CC2D2A: variants seen among roughly 807,000 people sequenced by gnomAD.
CC2D2A encodes the protein coiled-coil and C2 domain-containing protein 2A.
CC2D2A carries 155 observed loss-of-function variants against 212.9 expected under a neutral mutation model. The observed-to-expected ratio is 0.73, with a 90% confidence interval of 0.64 to 0.83. The LOEUF (loss-of-function observed/expected upper bound fraction) is 0.83. Among genes scored for constraint, CC2D2A ranks in the 40% least tolerant of loss-of-function variants. The pLI is 0.00. For missense variants in CC2D2A, 1,856 were observed against 1,956.2 expected (o/e 0.95, Z 0.97); for synonymous variants, 667 against 686.5 (o/e 0.97, Z 0.44).
At chr4:15,515,845 T>C (rs1378567456) in intron 9 of CC2D2A, 23 bp from the exon 10 acceptor site, 10 of 1,543,992 alleles carry the variant, frequency 6.5e-6, no homozygotes, top group Non-Finnish European at 8.8e-6. Context: ...AATGTTTATT[T>C]TATTTATTTA....
intron 4 of CC2D2A, chr4:15,481,764 A>T: frequency 1.0e-6 from 1 of 981,886 alleles, no homozygotes; most frequent in Non-Finnish European, 1.2e-6. Context: ...GACTAACAAT[A>T]CATAAGTTAG....
At chr4:15,587,454 A>C (rs531023522) in intron 31 of CC2D2A, among the ~76,000 whole-genome samples, 1 of 152,338 alleles carries the variant, frequency 6.6e-6, no homozygotes, top group East Asian at 1.9e-4. Flanking sequence ...TAAAATATGC[A>C]AATTGTTCTA....
At chr4:15,538,679 T>G (rs889288183) in intron 16 of CC2D2A, among the ~76,000 whole-genome samples, 1 of 152,234 alleles carries the variant, frequency 6.6e-6, no homozygotes, top group Admixed American at 6.5e-5. Context: ...AAAATACATG[T>G]CTAGTCATTC....
intron 4 of CC2D2A, chr4:15,481,613 G>A (rs1459411491): frequency 1.0e-5 from 2 of 190,724 alleles, no homozygotes; most frequent in African/African-American, 2.4e-5. Flanking sequence ...TCTGACATAA[G>A]TGAAAGCTTC....
At chr4:15,545,623 C>T (rs951331768) in intron 17 of CC2D2A, among the ~76,000 whole-genome samples, 1 of 151,958 alleles carries the variant, frequency 6.6e-6, no homozygotes, top group Non-Finnish European at 1.5e-5. Flanking sequence ...ATAAGAATGC[C>T]AAGGCAGTTC....
At chr4:15,590,369 G>T (rs1289690361) in intron 33 of CC2D2A, among the ~76,000 whole-genome samples, 4 of 152,152 alleles carry the variant, frequency 2.6e-5, no homozygotes, top group Non-Finnish European at 4.4e-5. Flanking sequence ...ACAAAAATTA[G>T]CTGGGCATGA....
intron 17 of CC2D2A, among the ~76,000 whole-genome samples, chr4:15,549,014 T>C (rs1158212288): frequency 3.9e-5 from 6 of 152,198 alleles, no homozygotes; most frequent in Non-Finnish European, 5.9e-5. Context: ...ATTATAAAAA[T>C]GGTATTGTAA....
intron 32 of CC2D2A, among the ~76,000 whole-genome samples, chr4:15,588,609 G>T (rs1720958915): frequency 6.6e-6 from 1 of 152,146 alleles, no homozygotes; most frequent in Non-Finnish European, 1.5e-5. Flanking sequence ...ATGAGTTGCT[G>T]CAAGGCAGGT....
intron 8 of CC2D2A, among the ~76,000 whole-genome samples, chr4:15,513,752 A>G (rs1374495842): frequency 6.6e-6 from 1 of 152,214 alleles, no homozygotes; most frequent in Admixed American, 6.5e-5. Flanking sequence ...GGAAGATTAC[A>G]CACTGCCATC....
chr4:15,500,103 G>GTATATA (rs1417025229), intron 4 of CC2D2A, among the ~76,000 whole-genome samples: 2 of 73,158 alleles, frequency 2.7e-5, no homozygotes, highest in Non-Finnish European at 7.0e-5. Context: ...GTGTGTGTGT[G>GTATATA]TGTGTATATA....
chr4:15,601,557 G>A (rs1181333700), downstream of CC2D2A: 1 of 615,472 alleles, frequency 1.6e-6, no homozygotes, highest in East Asian at 3.0e-5. Context: ...TTCAAACTGT[G>A]CAAAGTGTTC....
At chr4:15,523,549 ACT>A (rs977499445) in intron 11 of CC2D2A, among the ~76,000 whole-genome samples, 20 of 152,140 alleles carry the variant, frequency 1.3e-4, no homozygotes, top group African/African-American at 4.6e-4. Flanking sequence ...ACTACACAAG[ACT>A]CTCTTGGTTG....
Position 15,601,470 on chromosome 4 carries a change from GAT to G in CC2D2A, c.*48_*49del, listed in dbSNP as rs1721598821. ...TGTATCATGTAAAAACTACACTTAGGATATGAGAAAATTTTAAATTATATGCA... is the reference window on the plus strand; with the variant it reads ...TGTATCATGTAAAAACTACACTTAGGATGAGAAAATTTTAAATTATATGCA... On this transcript the variant is annotated 3_prime_UTR_variant, in exon 37 of 37. Transcript: ENST00000424120. 5 of 1,245,554 alleles carry G rather than the reference GAT, an allele frequency of 4.0e-6. No homozygotes were observed. The East Asian group carries it at 1.3e-4, about 33-fold the overall frequency. The allele number at this position is 1,245,554 out of a possible 1,614,324, so 77.2% of individuals were successfully genotyped here.
At chr4:15,501,641 T>C (rs574354931) in intron 4 of CC2D2A, among the ~76,000 whole-genome samples, 1 of 152,206 alleles carries the variant, frequency 6.6e-6, no homozygotes, top group African/African-American at 2.4e-5. Flanking sequence ...TCTTTTGTAA[T>C]GGTTTAGAGA....
rs1716561380 is a variant in CC2D2A, at chr4:15,511,379, G to T, written c.673G>T (p.Gly225Trp). The change falls in exon 8 of 37, where the codon GGG becomes TGG. Residue 225 changes from glycine to tryptophan, a missense_variant. Gly to Trp is a radical substitution (Grantham distance 184). Around this residue, in one of 5 missense-constraint regions of CC2D2A, gnomAD observed 1,512 missense variants for 1,579.3 expected, o/e 0.96. Coordinates refer to ENST00000424120, the MANE Select transcript of CC2D2A (RefSeq NM_001378615.1). ...GGGAACTAATCAAGAGGAGGAGGAAGGGGAAGAAGAAGAACCACCTGCACA... is the reference window on the plus strand; with the variant it reads ...GGGAACTAATCAAGAGGAGGAGGAATGGGAAGAAGAAGAACCACCTGCACA... ...RAGTNQEEEEGEEEEPPAQGG... is the reference protein window; with the variant it reads ...RAGTNQEEEEWEEEEPPAQGG... 1.3e-6 allele frequency: 2 copies of T among 1,557,638 alleles called. No homozygotes were observed. The highest frequency in any genetic ancestry group is 4.3e-5 in the Admixed American group (2 of 46,962).
intron 32 of CC2D2A, among the ~76,000 whole-genome samples, chr4:15,588,772 G>A (rs374611160): frequency 7.9e-5 from 12 of 152,184 alleles, no homozygotes; most frequent in Middle Eastern, 3.4e-3. Flanking sequence ...ACACTAAGTA[G>A]GTCACTCCAC....
intron 36 of CC2D2A, among the ~76,000 whole-genome samples, chr4:15,599,992 T>G (rs563254953): frequency 4.6e-5 from 7 of 152,308 alleles, no homozygotes; most frequent in African/African-American, 1.7e-4. Flanking sequence ...TAGACACAAC[T>G]GTGCATAAGG....
chr4:15,493,017 C>T (rs1490671678), intron 4 of CC2D2A: 1 of 402,150 alleles, frequency 2.5e-6, no homozygotes. Flanking sequence ...TTGCATTTCC[C>T]CTTACTTCTA....
At chr4:15,571,606 C>CAAAAA (rs11393258) in intron 28 of CC2D2A, among the ~76,000 whole-genome samples, 3 of 142,494 alleles carry the variant, frequency 2.1e-5, no homozygotes, top group Non-Finnish European at 4.6e-5. Flanking sequence ...CCGTTTAAAC[C>CAAAAA]AAAAAAAAAA....
Sources: allele counts gnomAD v4.1 joint callset (sites outside exome capture counted in the v4.1 genomes callset), GRCh38; gene constraint gnomAD v4.1.1; regional missense constraint gnomAD v4.1.1; transcripts MANE v1.5; gene names NCBI Gene and HGNC (gene_info 2026-07-23, HGNC 2026-07-21).